PCDHA4: variants seen among roughly 807,000 people sequenced by gnomAD.
PCDHA4 encodes the protein protocadherin alpha 4.
Under a neutral mutation model 61.4 loss-of-function variants are expected in PCDHA4, and 49 were observed. The observed-to-expected ratio is 0.80, with a 90% CI of 0.63 to 1.01. PCDHA4 has a LOEUF of 1.01. Ranked by LOEUF, PCDHA4 falls within the 50% of genes least tolerant of loss-of-function variation. The probability of loss-of-function intolerance (pLI) is 0.00; values close to 1 mark genes in which losing one functional copy is unlikely to be tolerated. For synonymous variants in PCDHA4, 590 were observed against 550.3 expected (o/e 1.07, Z -1.01); for missense variants, 1,254 against 1,235.8 (o/e 1.01, Z -0.22).
chr5:140,818,588 A>G (rs145310049), intron 1 of PCDHA4, among the ~76,000 whole-genome samples: 121 of 152,278 alleles, frequency 7.9e-4, no homozygotes, highest in Middle Eastern at 3.4e-3. Context: ...TATAATCCCA[A>G]CACCTGTGTG....
chr5:140,834,541 G>A, intron 1 of PCDHA4: 2 of 1,614,080 alleles, frequency 1.2e-6, no homozygotes, highest in African/African-American at 1.3e-5. Flanking sequence ...CAGGACCTGG[G>A]GCTGGAGCTG....
chr5:140,961,222 T>C (rs1335870319), intron 1 of PCDHA4, among the ~76,000 whole-genome samples: 1 of 152,118 alleles, frequency 6.6e-6, no homozygotes, highest in East Asian at 1.9e-4. Flanking sequence ...AGAAACTGGG[T>C]CCCAAAAAGG....
chr5:140,877,657 G>T (rs1554169952), intron 1 of PCDHA4: 2 of 1,613,570 alleles, frequency 1.2e-6, no homozygotes, highest in East Asian at 2.2e-5. Context: ...GCCGCCCACC[G>T]TGAGCCGGTG....
chr5:140,927,078 C>T, intron 1 of PCDHA4: 1 of 1,611,014 alleles, frequency 6.2e-7, no homozygotes, highest in Non-Finnish European at 8.5e-7. Context: ...CCAGCCACCG[C>T]GAGCTCTACT....
At chr5:140,876,398 A>G (rs782094508) in intron 1 of PCDHA4, 1 of 1,613,962 alleles carries the variant, frequency 6.2e-7, no homozygotes, top group Non-Finnish European at 8.5e-7. Context: ...GGTGAACTGG[A>G]TTTTGAAGAG....
chr5:140,834,682 C>G, intron 1 of PCDHA4: 5 of 1,614,204 alleles, frequency 3.1e-6, no homozygotes, highest in Non-Finnish European at 4.2e-6. Context: ...GGGCGGAGCG[C>G]GGAGTGCAGC....
intron 1 of PCDHA4, among the ~76,000 whole-genome samples, chr5:140,911,493 A>G (rs1157677496): frequency 6.6e-6 from 1 of 152,168 alleles, no homozygotes; most frequent in African/African-American, 2.4e-5. Context: ...CAATCTTAGC[A>G]GGTTTGAGGT....
chr5:140,898,737 G>T (rs2066951107), intron 1 of PCDHA4, among the ~76,000 whole-genome samples: 1 of 152,102 alleles, frequency 6.6e-6, no homozygotes, highest in African/African-American at 2.4e-5. Flanking sequence ...AAAGTCATTG[G>T]TAGCTTGATG....
chr5:140,877,840 G>A, intron 1 of PCDHA4: 1 of 1,580,394 alleles, frequency 6.3e-7, no homozygotes, highest in South Asian at 1.2e-5. Context: ...TCCCAGTGAA[G>A]TAAGTTATTA....
intron 1 of PCDHA4, among the ~76,000 whole-genome samples, chr5:140,954,472 G>T (rs1031225118): frequency 8.5e-5 from 13 of 152,182 alleles, no homozygotes; most frequent in Admixed American, 6.5e-5. Context: ...TCTGACTGGT[G>T]TGAGAAGATA....
chr5:140,855,966 T>G (rs1554148056), intron 1 of PCDHA4: 7 of 1,422,780 alleles, frequency 4.9e-6, no homozygotes, highest in Non-Finnish European at 2.9e-6. Flanking sequence ...AAAATAGATA[T>G]AAGAAATAGG....
At chr5:140,824,339 T>C in intron 1 of PCDHA4, 1 of 614,882 alleles carries the variant, frequency 1.6e-6, no homozygotes, top group Non-Finnish European at 2.8e-6. Context: ...ATTAAGTGTT[T>C]TTAAAATAAT....
intron 1 of PCDHA4, chr5:140,822,569 C>A: frequency 1.9e-6 from 3 of 1,612,930 alleles, no homozygotes; most frequent in Non-Finnish European, 2.5e-6. Context: ...AAACTGAACG[C>A]CTCAGATGCA....
chr5:140,830,576 T>G, intron 1 of PCDHA4: 3 of 821,498 alleles, frequency 3.7e-6, no homozygotes, highest in Non-Finnish European at 5.1e-6. Flanking sequence ...TGTTTTTAAT[T>G]TTTAATTAAT....
chr5:140,834,445 T>C (rs1773005004), intron 1 of PCDHA4: 2 of 1,613,974 alleles, frequency 1.2e-6, no homozygotes, highest in African/African-American at 1.3e-5. Context: ...ATTATAATTC[T>C]AGCAGCTTGG....
rs1764355848 is a variant in PCDHA4, at chr5:140,809,075, G to A, written c.1888G>A (p.Glu630Lys). ...IPFRVGLYTG[E>K]ISTTRALDET... ...GTTCCGCGTGGGGCTGTACACTGGCGAGATCAGCACAACGCGTGCCCTGGA... is the reference window on the plus strand; with the variant it reads ...GTTCCGCGTGGGGCTGTACACTGGCAAGATCAGCACAACGCGTGCCCTGGA... The change falls in exon 1 of 4, where the codon GAG (glutamate) becomes AAG (lysine). Residue 630 changes from glutamate to lysine, a missense_variant. Transcript: ENST00000530339. The A allele has an allele frequency of 1.2e-6, 2 of 1,613,810 alleles. No individual in the cohort carries two copies. Among genetic ancestry groups the A allele is most frequent in the African/African-American group, 1.3e-5 (1 of 74,930 alleles).
chr5:140,875,826 T>C lies in PCDHA4; in HGVS notation c.2385+66254T>C, dbSNP rs367888868. ...TGGACAGGCCGCTGCAGGTTTTCCA[T>C]GTGGACGTGGAGGTGAAGGACATTA... is the stretch of plus-strand genomic sequence containing the variant. On this transcript the variant is annotated intron_variant, in intron 1 of 3. Coordinates refer to ENST00000530339, the MANE Select transcript of PCDHA4 (RefSeq NM_018907.4). 25 of 1,614,126 alleles carry C rather than the reference T, an allele frequency of 1.5e-5. No homozygotes were observed. In the African/African-American group the frequency reaches 2.3e-4, roughly 15 times the overall value.
At chr5:140,886,615 C>A (rs1032902050) in intron 1 of PCDHA4, among the ~76,000 whole-genome samples, 2 of 152,028 alleles carry the variant, frequency 1.3e-5, no homozygotes, top group Admixed American at 1.3e-4. Flanking sequence ...ATCAGGAGAT[C>A]AGGAGTCCGA....
intron 1 of PCDHA4, among the ~76,000 whole-genome samples, chr5:140,920,909 C>A (rs2079923809): frequency 6.6e-6 from 1 of 151,058 alleles, no homozygotes; most frequent in Admixed American, 6.6e-5. Context: ...GTTCTCAAAT[C>A]AGTTCCAAGA....
Sources: allele counts gnomAD v4.1 joint callset (sites outside exome capture counted in the v4.1 genomes callset), GRCh38; gene constraint gnomAD v4.1.1; transcripts MANE v1.5; gene names NCBI Gene and HGNC (gene_info 2026-07-23, HGNC 2026-07-21).